Variants in PON3 observed in about 807,000 individuals in gnomAD.
PON3 encodes the protein serum paraoxonase/lactonase 3.
PON3 carries 37 observed loss-of-function variants against 36.3 expected under a neutral mutation model. That is an observed-to-expected ratio of 1.02 (90% confidence interval 0.78 to 1.34). PON3 has a LOEUF of 1.34. PON3 is among the 40% of genes most tolerant of loss of function. PON3 has a pLI of 0.00. For synonymous variants in PON3, 155 were observed against 154.8 expected (o/e 1.00, Z -0.01); for missense variants, 415 against 426.5 (o/e 0.97, Z 0.24).
At chr7:95,381,563 A>G (rs1809054981) in intron 3 of PON3, among the ~76,000 whole-genome samples, 1 of 152,226 alleles carries the variant, frequency 6.6e-6, no homozygotes, top group South Asian at 2.1e-4. Flanking sequence ...CTAGTCTCTG[A>G]TAAAATAGAC....
At chr7:95,369,108 A>T (rs1022232195) in intron 4 of PON3, among the ~76,000 whole-genome samples, 2 of 152,212 alleles carry the variant, frequency 1.3e-5, no homozygotes, top group Non-Finnish European at 2.9e-5. Flanking sequence ...ACTTCACTGC[A>T]TTCCTCTAAA....
intron 4 of PON3, among the ~76,000 whole-genome samples, chr7:95,369,502 T>C (rs951349893): frequency 6.6e-6 from 1 of 151,410 alleles, no homozygotes; most frequent in African/African-American, 2.4e-5. Flanking sequence ...AGGCTGGGAG[T>C]GGTGGCTTAC....
At chr7:95,387,135 G>A (rs189992083) in intron 3 of PON3, among the ~76,000 whole-genome samples, 146 of 152,248 alleles carry the variant, frequency 9.6e-4, no homozygotes, top group African/African-American at 3.4e-3. Context: ...ATTCTGGCCA[G>A]GGCAATTGGA....
chr7:95,376,871 C>T (rs942175186), intron 3 of PON3, among the ~76,000 whole-genome samples: 1 of 152,208 alleles, frequency 6.6e-6, no homozygotes, highest in African/African-American at 2.4e-5. Flanking sequence ...GACTGAGGTA[C>T]CTGGTCCATC....
chr7:95,395,493 A>AT (rs1809409228), intron 1 of PON3, among the ~76,000 whole-genome samples: 1 of 152,176 alleles, frequency 6.6e-6, no homozygotes, highest in Non-Finnish European at 1.5e-5. Context: ...TAAAACTCTC[A>AT]AACTGGAAGT....
rs528427294 is a variant in PON3, at chr7:95,375,748, C to T, written c.202-3410G>A. Among the ~76,000 whole-genome samples, 166 of 152,380 alleles carry T rather than the reference C, an allele frequency of 1.1e-3. 1 individual carries two copies. Among genetic ancestry groups the T allele is most frequent in the Non-Finnish European group, 1.7e-3 (118 of 68,036 alleles). ...GAAACACTTCTGATAAATGGCTTCA[C>T]ATTCACCTAGTTTTCTGTGTAAAGC... On this transcript the variant is annotated intron_variant, in intron 3 of 8. Coordinates refer to ENST00000265627, the MANE Select transcript of PON3 (RefSeq NM_000940.3).
chr7:95,362,748 G>A lies in PON3; in HGVS notation c.777+12C>T, dbSNP rs1808600766. The A allele has an allele frequency of 1.3e-6, 2 of 1,589,662 alleles. No individual in the cohort carries two copies. Among genetic ancestry groups the A allele is most frequent in the Non-Finnish European group, 1.7e-6 (2 of 1,157,980 alleles). On this transcript the variant is annotated intron_variant, in intron 7 of 8. Transcript: ENST00000265627. The stretch of plus-strand genomic sequence containing the variant: ...GAAGTCAGATTGTGTGGGCCAGACA[G>A]GGTACTCTTACCTTCAGTTGAGTTA...
chr7:95,359,879 T>C lies in PON3; in HGVS notation c.*94A>G, dbSNP rs978225386. 8 of 1,316,980 alleles carry C rather than the reference T, an allele frequency of 6.1e-6. No individual in the cohort carries two copies. Among genetic ancestry groups the C allele is most frequent in the Admixed American group, 3.9e-5 (2 of 51,634 alleles). The allele number at this position is 1,316,980 out of a possible 1,614,324, so 81.6% of individuals were successfully genotyped here. A position where few individuals can be genotyped will look rare whatever the true frequency, so the allele number is the denominator to read the frequency against. ...AAAAGCCACACTCACTGGTTGGTGT[T>C]TGCTATTTACTTACAGTGCCACTTA... On this transcript the variant is annotated 3_prime_UTR_variant, in exon 9 of 9. Coordinates refer to ENST00000265627, the MANE Select transcript of PON3 (RefSeq NM_000940.3).
chr7:95,371,094 A>C (rs932775408), intron 4 of PON3, among the ~76,000 whole-genome samples: 4 of 152,152 alleles, frequency 2.6e-5, no homozygotes, highest in Admixed American at 1.3e-4. Context: ...TAATATTTAC[A>C]AGCTTCATCC....
intron 3 of PON3, among the ~76,000 whole-genome samples, chr7:95,384,623 A>G (rs181828788): frequency 2.7e-4 from 41 of 152,344 alleles, no homozygotes; most frequent in Admixed American, 1.5e-3. Context: ...TGGCCATCAG[A>G]GAAATGCAAA....
At chr7:95,382,218 T>A (rs1441447082) in intron 3 of PON3, among the ~76,000 whole-genome samples, 2 of 152,126 alleles carry the variant, frequency 1.3e-5, no homozygotes, top group Non-Finnish European at 2.9e-5. Flanking sequence ...TAGAGGGAAA[T>A]TTATAGCACT....
chr7:95,369,041 G>T (rs2116385667), intron 4 of PON3, among the ~76,000 whole-genome samples: 2 of 152,300 alleles, frequency 1.3e-5, no homozygotes, highest in Admixed American at 1.3e-4. Context: ...TTAGAAGTGA[G>T]ACCTCCTCTG....
At chr7:95,364,935 CTTAAA>C (rs1808658757) in intron 5 of PON3, 1 of 151,926 alleles carries the variant, frequency 6.6e-6, no homozygotes, top group Non-Finnish European at 1.5e-5. Flanking sequence ...AAAAATAATG[CTTAAA>C]CATTTTTAGA....
intron 3 of PON3, among the ~76,000 whole-genome samples, chr7:95,375,402 T>C: frequency 6.6e-6 from 1 of 150,968 alleles, no homozygotes; most frequent in East Asian, 1.9e-4. Flanking sequence ...CATATAAATA[T>C]ATTAGGGGCA....
intron 5 of PON3, among the ~76,000 whole-genome samples, chr7:95,367,122 C>A (rs1041098310): frequency 3.3e-5 from 5 of 152,178 alleles, no homozygotes; most frequent in African/African-American, 4.8e-5. Flanking sequence ...TTTAATTGAG[C>A]ACCTTTATAG....
In PON3 at chr7:95,362,443, G is replaced by T; in HGVS notation, c.825C>A (p.Ala275=). 6.2e-7 allele frequency: 1 copy of T among 1,613,638 alleles called. No homozygotes were observed. Among genetic ancestry groups the T allele is most frequent in the Non-Finnish European group, 8.5e-7 (1 of 1,179,726 alleles). The change falls in exon 8 of 9, where the codon GCC becomes GCA. Residue 275 remains alanine (A), a synonymous_variant. Transcript: ENST00000265627. The stretch of plus-strand genomic sequence containing the variant: ...GGCATCCTGCCAAAATGTCTCCTGT[G>T]GCAGGATCGACAGTCAGGTTATCCA... ...TLVDNLTVDP[A]TGDILAGCHP...
At chr7:95,364,482 GA>G in intron 5 of PON3, 2 of 261,902 alleles carry the variant, frequency 7.6e-6, no homozygotes, top group South Asian at 9.1e-5. Flanking sequence ...CCAATGAAAT[GA>G]AATGAAATGA....
intron 4 of PON3, among the ~76,000 whole-genome samples, chr7:95,371,246 C>G (rs1808801897): frequency 6.9e-6 from 1 of 145,100 alleles, no homozygotes; most frequent in Non-Finnish European, 1.5e-5. Context: ...AGGAGTAATG[C>G]TGCTATGAAC....
At chr7:95,364,375 T>G in intron 5 of PON3, 2 of 405,732 alleles carry the variant, frequency 4.9e-6, no homozygotes, top group Admixed American at 3.7e-5. Context: ...TCTGTGACAG[T>G]TGTAGTGCAG....
Sources: gnomAD v4.1 joint callset for allele counts (sites outside exome capture counted in the v4.1 genomes callset) on GRCh38, gnomAD v4.1.1 for gene constraint, MANE v1.5 for transcripts, NCBI Gene and HGNC (gene_info 2026-07-23, HGNC 2026-07-21) for gene names.